Variants in RGS17 observed in about 807,000 individuals in gnomAD.
RGS17 encodes regulator of G-protein signaling 17.
RGS17 carries 12 observed loss-of-function variants against 25.5 expected under a neutral mutation model. That is an observed-to-expected ratio of 0.47 (90% CI 0.30 to 0.76). The LOEUF (loss-of-function observed/expected upper bound fraction) is 0.76. Ranked by LOEUF, RGS17 falls within the 30% of genes least tolerant of loss-of-function variation. RGS17 has a pLI of 0.07. For missense variants in RGS17, 196 were observed against 242.2 expected (o/e 0.81, Z 1.27); for synonymous variants, 71 against 76.9 (o/e 0.92, Z 0.40).
chr6:153,120,580 T>G (rs930633785), intron 1 of RGS17, among the ~76,000 whole-genome samples: 1 of 152,160 alleles, frequency 6.6e-6, no homozygotes, highest in Non-Finnish European at 1.5e-5. Context: ...CCCCCCTGCA[T>G]GGACTGATGA....
At chr6:153,025,697 AAAACATATATATAT>A (rs974148184) in intron 3 of RGS17, among the ~76,000 whole-genome samples, 15 of 115,952 alleles carry the variant, frequency 1.3e-4, no homozygotes, top group South Asian at 6.3e-4. Context: ...CATATATATA[AAAACATATATATAT>A]AAACATATAT....
chr6:153,040,163 G>T (rs1378505769), intron 2 of RGS17, among the ~76,000 whole-genome samples: 1 of 152,102 alleles, frequency 6.6e-6, no homozygotes, highest in Non-Finnish European at 1.5e-5. Flanking sequence ...AGAAAAGGGA[G>T]ATAAGGAGAG....
At chr6:153,074,696 T>G (rs1222160580) in intron 1 of RGS17, among the ~76,000 whole-genome samples, 1 of 152,180 alleles carries the variant, frequency 6.6e-6, no homozygotes, top group Non-Finnish European at 1.5e-5. Flanking sequence ...CCTTCTTAGT[T>G]TTTGTAAATT....
chr6:153,047,807 A>G (rs1018049137), intron 1 of RGS17, among the ~76,000 whole-genome samples: 3 of 152,172 alleles, frequency 2.0e-5, no homozygotes, highest in Admixed American at 1.3e-4. Flanking sequence ...CTACCCAACT[A>G]TGATACTTTG....
chr6:153,013,439 A>T (rs1422830297), intron 4 of RGS17, among the ~76,000 whole-genome samples: 1 of 152,182 alleles, frequency 6.6e-6, no homozygotes, highest in East Asian at 1.9e-4. Context: ...AACAATATTG[A>T]AATTAGGCCA....
chr6:153,082,120 T>C (rs185351836), intron 1 of RGS17, among the ~76,000 whole-genome samples: 13 of 152,348 alleles, frequency 8.5e-5, no homozygotes, highest in South Asian at 2.1e-4. Context: ...TGTTTCTCCA[T>C]ACACTGTGCA....
intron 1 of RGS17, among the ~76,000 whole-genome samples, chr6:153,072,833 G>A (rs1044979568): frequency 2.2e-5 from 2 of 89,824 alleles, no homozygotes; most frequent in Non-Finnish European, 4.3e-5. Flanking sequence ...CAGCAAGGGA[G>A]CCTATAAATT....
intron 1 of RGS17, among the ~76,000 whole-genome samples, chr6:153,117,195 A>T (rs1261071283): frequency 6.6e-6 from 1 of 152,182 alleles, no homozygotes; most frequent in Non-Finnish European, 1.5e-5. Context: ...TCATGGCGGA[A>T]GGTGAAGGGG....
intron 3 of RGS17, among the ~76,000 whole-genome samples, chr6:153,025,391 G>A (rs879833235): frequency 6.6e-6 from 1 of 151,810 alleles, no homozygotes; most frequent in African/African-American, 2.4e-5. Context: ...ATAATTGGAA[G>A]CAGAGTGCTT....
intron 1 of RGS17, among the ~76,000 whole-genome samples, chr6:153,059,319 G>A (rs1222858884): frequency 2.6e-5 from 4 of 152,144 alleles, no homozygotes; most frequent in Non-Finnish European, 2.9e-5. Context: ...GTTTGACAGA[G>A]GCACCTTGTG....
rs148951486 is a variant in RGS17, at chr6:153,055,519, C to T, written c.-25-11476G>A. On this transcript the variant is annotated intron_variant, in intron 1 of 4. Transcript: ENST00000206262. The stretch of plus-strand genomic sequence containing the variant: ...AACAAGGCAGGAGAAACTGGTCTCT[C>T]CTTTGCAAAGAAGGACATACCTGTG... Among the ~76,000 whole-genome samples the T allele has an allele frequency of 3.9e-5, 6 of 152,132 alleles. No homozygotes were observed. In the East Asian group the frequency reaches 1.2e-3, roughly 29 times the overall value.
In RGS17 at chr6:153,011,636, A is replaced by G. The variant is rs1179009864; in HGVS notation, c.571T>C (p.Leu191=). Reference sequence around the variant, plus strand: ...AATGACTTATAAATTTGAGAGTTCAAAAACCTTGGAAAAGAATCTCTGTGC... The same window carrying G: ...AATGACTTATAAATTTGAGAGTTCAGAAACCTTGGAAAAGAATCTCTGTGC... ...LMHRDSFPRF[L]NSQIYKSFVE... The change falls in exon 5 of 5, where the codon TTG becomes CTG. Residue 191 remains leucine (L), a synonymous_variant. Transcript: ENST00000206262. The G allele has an allele frequency of 3.1e-6, 5 of 1,612,730 alleles. No homozygotes were observed. Among genetic ancestry groups the G allele is most frequent in the Non-Finnish European group, 2.5e-6 (3 of 1,179,198 alleles).
intron 1 of RGS17, among the ~76,000 whole-genome samples, chr6:153,107,344 G>A (rs991115149): frequency 2.0e-5 from 3 of 152,104 alleles, no homozygotes; most frequent in African/African-American, 7.2e-5. Context: ...CAAAAGAAAA[G>A]TAGTTTGGTA....
intron 1 of RGS17, among the ~76,000 whole-genome samples, chr6:153,045,637 C>T (rs529976436): frequency 6.6e-6 from 1 of 152,290 alleles, no homozygotes; most frequent in East Asian, 1.9e-4. Flanking sequence ...ACATCTCTCA[C>T]TCAATGTGTT....
At chr6:153,061,289 T>C (rs1584139561) in intron 1 of RGS17, among the ~76,000 whole-genome samples, 1 of 152,218 alleles carries the variant, frequency 6.6e-6, no homozygotes, top group African/African-American at 2.4e-5. Flanking sequence ...ACCTTTAGAA[T>C]GGCCCTATTA....
rs1356765395 is a variant in RGS17, at chr6:153,004,832, A to AC, written c.*6741dup. On this transcript the variant is annotated 3_prime_UTR_variant, in exon 5 of 5. Coordinates refer to ENST00000206262, the MANE Select transcript of RGS17 (RefSeq NM_012419.5). ...ACCGTTATTCTGGCATTGCAAAATAACCAAGTGTGGTGCCTCTTAAGTTGC... is the reference window on the plus strand; with the variant it reads ...ACCGTTATTCTGGCATTGCAAAATAACCCAAGTGTGGTGCCTCTTAAGTTGC... 4 of 152,208 alleles carry AC rather than the reference A, an allele frequency of 2.6e-5. No individual in the cohort carries two copies. The highest frequency in any genetic ancestry group is 4.4e-5 in the Non-Finnish European group (3 of 68,006). 9.4% of individuals were successfully genotyped at this position (152,208 alleles called of 1,614,324 possible). A position where few individuals can be genotyped will look rare whatever the true frequency, so the allele number is the denominator to read the frequency against.
chr6:153,061,584 T>C (rs1184847107), intron 1 of RGS17, among the ~76,000 whole-genome samples: 1 of 152,206 alleles, frequency 6.6e-6, no homozygotes, highest in East Asian at 1.9e-4. Context: ...CCCTAATAGT[T>C]ATTATTCATA....
intron 1 of RGS17, among the ~76,000 whole-genome samples, chr6:153,048,373 T>A (rs1224059003): frequency 6.6e-6 from 1 of 152,196 alleles, no homozygotes; most frequent in Non-Finnish European, 1.5e-5. Flanking sequence ...CATCTTCTGT[T>A]TCTACCACCT....
At chr6:153,122,343 T>C (rs1456297737) in intron 1 of RGS17, among the ~76,000 whole-genome samples, 1 of 152,178 alleles carries the variant, frequency 6.6e-6, no homozygotes, top group Non-Finnish European at 1.5e-5. Flanking sequence ...AGGATTTCTC[T>C]ATTGTTTGGT....
Sources: gnomAD v4.1 joint callset for allele counts (sites outside exome capture counted in the v4.1 genomes callset) on GRCh38, gnomAD v4.1.1 for gene constraint, MANE v1.5 for transcripts, NCBI Gene and HGNC (gene_info 2026-07-23, HGNC 2026-07-21) for gene names.